Variants in ST8SIA3 observed in about 807,000 individuals in gnomAD.
The protein encoded by ST8SIA3 is alpha-N-acetylneuraminate alpha-2,8-sialyltransferase ST8SIA3.
A neutral mutation model predicts 34.5 loss-of-function variants in ST8SIA3; 17 were observed. The observed-to-expected ratio is 0.49, with a 90% confidence interval of 0.34 to 0.74. ST8SIA3 has a LOEUF of 0.74. Ranked by LOEUF, ST8SIA3 falls within the 30% of genes least tolerant of loss-of-function variation. ST8SIA3 has a pLI of 0.01. For synonymous variants in ST8SIA3, 172 were observed against 176.1 expected (o/e 0.98, Z 0.19); for missense variants, 354 against 467.8 (o/e 0.76, Z 2.24).
intron 3 of ST8SIA3, among the ~76,000 whole-genome samples, chr18:57,359,567 T>C (rs916232080): frequency 2.2e-4 from 31 of 143,554 alleles, no homozygotes; most frequent in African/African-American, 8.7e-4. Context: ...GAACACTTTA[T>C]GTAAGAAAAG....
At position 57,360,375 on chromosome 18, in the gene ST8SIA3, A is replaced by G; in HGVS notation, c.*98A>G. On this transcript the variant is annotated 3_prime_UTR_variant, in exon 4 of 4. Coordinates refer to ENST00000324000, the MANE Select transcript of ST8SIA3 (RefSeq NM_015879.3). ...GAACCCTAGAGAATGTCTTATAAGG[A>G]TTGTCTGCCATTTAAAAGGAAAGAT... 1.7e-6 allele frequency: 2 copies of G among 1,174,628 alleles called. No homozygotes were observed. The highest frequency in any genetic ancestry group is 2.4e-6 in the Non-Finnish European group (2 of 850,734). 72.8% of individuals were successfully genotyped at this position (1,174,628 alleles called of 1,614,324 possible).
intron 3 of ST8SIA3, 103 bp from the exon 4 acceptor site, chr18:57,359,892 A>T: frequency 2.0e-6 from 2 of 985,748 alleles, no homozygotes; most frequent in Non-Finnish European, 3.0e-6. Context: ...AGCACTATTT[A>T]AGTTACAGTA....
At chr18:57,354,223 CT>C (rs1388948241) in intron 1 of ST8SIA3, among the ~76,000 whole-genome samples, 178 bp from the exon 2 acceptor site, 1 of 152,162 alleles carries the variant, frequency 6.6e-6, no homozygotes, top group Non-Finnish European at 1.5e-5. Context: ...CCCTAGTTTT[CT>C]TTTTTTCTCT....
intron 3 of ST8SIA3, 103 bp from the exon 4 acceptor site, chr18:57,359,892 A>C: frequency 1.0e-6 from 1 of 985,752 alleles, no homozygotes; most frequent in Non-Finnish European, 1.5e-6. Context: ...AGCACTATTT[A>C]AGTTACAGTA....
At position 57,354,486 on chromosome 18, in the gene ST8SIA3, T is replaced by C. The variant is rs578110420; in HGVS notation, c.264T>C (p.Ser88=). The C allele has an allele frequency of 1.2e-6, 2 of 1,614,182 alleles. No individual in the cohort carries two copies. Among genetic ancestry groups the C allele is most frequent in the East Asian group, 2.2e-5 (1 of 44,878 alleles). ...CCCAGGAACTCCAAGAGAAACCTTCTAAGTGGAAATTTAATCGGACAGCGT... is the reference window on the plus strand; with the variant it reads ...CCCAGGAACTCCAAGAGAAACCTTCCAAGTGGAAATTTAATCGGACAGCGT... ...SLTQELQEKP[S]KWKFNRTAFL... is the part of the protein sequence containing the mutation. Residue 88 remains serine (S), a synonymous_variant, in exon 2 of 4, where the codon TCT becomes TCC. Coordinates refer to ENST00000324000, the MANE Select transcript of ST8SIA3 (RefSeq NM_015879.3).
intron 3 of ST8SIA3, among the ~76,000 whole-genome samples, chr18:57,357,775 T>G (rs2049807772): frequency 6.6e-6 from 1 of 152,182 alleles, no homozygotes; most frequent in Non-Finnish European, 1.5e-5. Flanking sequence ...TCACCACAAA[T>G]CAAGAATTTT....
In ST8SIA3 at chr18:57,354,639, C is replaced by A. The variant is rs1039151896; in HGVS notation, c.302+115C>A. The stretch of plus-strand genomic sequence containing the variant: ...TAAAACAACAAACATCTATACGCCC[C>A]ACCCTCACCATCAGGTGTATCTGCA... On this transcript the variant is annotated intron_variant, in intron 2 of 3. Coordinates refer to ENST00000324000, the MANE Select transcript of ST8SIA3 (RefSeq NM_015879.3). 5.7e-6 allele frequency: 7 copies of A among 1,219,644 alleles called. No homozygotes were observed. The Admixed American group carries it at 6.4e-5, about 11-fold the overall frequency. The allele number at this position is 1,219,644 out of a possible 1,614,324, so 75.6% of individuals were successfully genotyped here.
chr18:57,364,517 C>T lies in ST8SIA3; in HGVS notation c.*4240C>T, dbSNP rs543455670. ...TTCTAGATTCTTAAAACCTTTTTTC[C>T]CATAATTGTTTGAATGCACTAGGCA... On this transcript the variant is annotated 3_prime_UTR_variant, in exon 4 of 4. Transcript: ENST00000324000. 1 of 152,186 alleles carries T rather than the reference C, an allele frequency of 6.6e-6. No individual in the cohort carries two copies. Among genetic ancestry groups the T allele is most frequent in the South Asian group, 2.1e-4 (1 of 4,818 alleles). 9.4% of individuals were successfully genotyped at this position (152,186 alleles called of 1,614,324 possible).
chr18:57,353,933 CGGACGTG>C (rs2049782072), intron 1 of ST8SIA3, among the ~76,000 whole-genome samples: 2 of 152,216 alleles, frequency 1.3e-5, no homozygotes, highest in South Asian at 4.1e-4. Context: ...GAAGTGAAAT[CGGACGTG>C]GGTTTGGGAA....
In ST8SIA3 at chr18:57,360,353, C is replaced by A; in HGVS notation, c.*76C>A. On this transcript the variant is annotated 3_prime_UTR_variant, in exon 4 of 4. Coordinates refer to ENST00000324000, the MANE Select transcript of ST8SIA3 (RefSeq NM_015879.3). ...AAATTGAATAGCCTTCAGAATAGAA[C>A]CCTAGAGAATGTCTTATAAGGATTG... is the stretch of plus-strand genomic sequence containing the variant. 3 of 1,367,166 alleles carry A rather than the reference C, an allele frequency of 2.2e-6. No individual in the cohort carries two copies. Among genetic ancestry groups the A allele is most frequent in the South Asian group, 1.4e-5 (1 of 71,438 alleles). 84.7% of individuals were successfully genotyped at this position (1,367,166 alleles called of 1,614,324 possible).
In ST8SIA3 at chr18:57,363,507, A is replaced by G. The variant is rs1487757892; in HGVS notation, c.*3230A>G. 1.3e-5 allele frequency: 2 copies of G among 152,292 alleles called. No individual in the cohort carries two copies. The highest frequency in any genetic ancestry group is 4.8e-5 in the African/African-American group (2 of 41,452). 9.4% of individuals were successfully genotyped at this position (152,292 alleles called of 1,614,324 possible). A position where few individuals can be genotyped will look rare whatever the true frequency, so the allele number is the denominator to read the frequency against. On this transcript the variant is annotated 3_prime_UTR_variant, in exon 4 of 4. Coordinates refer to ENST00000324000, the MANE Select transcript of ST8SIA3 (RefSeq NM_015879.3). ...ACTGTGCCATCTGTCTGTGACCTTGATGTCAGGTACCTGGCCATGGGGCTA... is the reference window on the plus strand; with the variant it reads ...ACTGTGCCATCTGTCTGTGACCTTGGTGTCAGGTACCTGGCCATGGGGCTA...
rs980294747 is a variant in ST8SIA3, at chr18:57,366,923, C to T, written c.*6646C>T. ...GGCATTGAGCAATAGAGCAACTGTC[C>T]TTTCTCACCACTAGTTGTGAGTGTA... On this transcript the variant is annotated 3_prime_UTR_variant, in exon 4 of 4. Transcript: ENST00000324000. 2.6e-5 allele frequency: 4 copies of T among 152,224 alleles called. No individual in the cohort carries two copies. Among genetic ancestry groups the T allele is most frequent in the South Asian group, 2.1e-4 (1 of 4,834 alleles). 9.4% of individuals were successfully genotyped at this position (152,224 alleles called of 1,614,324 possible). A position where few individuals can be genotyped will look rare whatever the true frequency, so the allele number is the denominator to read the frequency against.
At chr18:57,356,154 A>C (rs1356121991) in intron 2 of ST8SIA3, among the ~76,000 whole-genome samples, 2 of 152,222 alleles carry the variant, frequency 1.3e-5, no homozygotes, top group Non-Finnish European at 2.9e-5. Flanking sequence ...ATATGAAAGC[A>C]ACGTGAAATT....
chr18:57,359,270 A>T (rs977235078), intron 3 of ST8SIA3, among the ~76,000 whole-genome samples: 18 of 152,176 alleles, frequency 1.2e-4, no homozygotes, highest in Admixed American at 3.3e-4. Context: ...ATATTATTTA[A>T]ATATGGAAGG....
Position 57,367,523 on chromosome 18 carries a change from T to C in ST8SIA3, c.*7246T>C, listed in dbSNP as rs2049867336. On this transcript the variant is annotated 3_prime_UTR_variant, in exon 4 of 4. Coordinates refer to ENST00000324000, the MANE Select transcript of ST8SIA3 (RefSeq NM_015879.3). ...TTGACAGGTAGGCCTTGTTTTATTA[T>C]GAACAAATTCACCAGAAAACCATTC... 2 of 152,610 alleles carry C rather than the reference T, an allele frequency of 1.3e-5. No homozygotes were observed. The highest frequency in any genetic ancestry group is 6.5e-5 in the Admixed American group (1 of 15,280). 9.5% of individuals were successfully genotyped at this position (152,610 alleles called of 1,614,324 possible).
In ST8SIA3 at chr18:57,367,553, G is replaced by T. The variant is rs1397050642; in HGVS notation, c.*7276G>T. On this transcript the variant is annotated 3_prime_UTR_variant, in exon 4 of 4. Coordinates refer to ENST00000324000, the MANE Select transcript of ST8SIA3 (RefSeq NM_015879.3). ...AAATTCACCAGAAAACCATTCTTGA[G>T]GAACCAGCCACTCCCATAGCATTTT... 1 of 152,476 alleles carries T rather than the reference G, an allele frequency of 6.6e-6. No homozygotes were observed. The highest frequency in any genetic ancestry group is 6.5e-5 in the Admixed American group (1 of 15,270). 9.4% of individuals were successfully genotyped at this position (152,476 alleles called of 1,614,324 possible).
At chr18:57,359,608 G>T (rs2144205618) in intron 3 of ST8SIA3, among the ~76,000 whole-genome samples, 1 of 152,200 alleles carries the variant, frequency 6.6e-6, no homozygotes. Flanking sequence ...GCCTTCTGTT[G>T]TGTCACCGCT....
intron 1 of ST8SIA3, among the ~76,000 whole-genome samples, chr18:57,353,423 G>GCGGGC (rs1461871804): frequency 6.6e-6 from 1 of 152,044 alleles, no homozygotes; most frequent in Non-Finnish European, 1.5e-5. Flanking sequence ...CGCAGACTCC[G>GCGGGC]CGGGCCGGGC....
At chr18:57,357,504 C>A (rs2144203064) in intron 3 of ST8SIA3, 34 bp downstream of exon 3, 1 of 1,505,818 alleles carries the variant, frequency 6.6e-7, no homozygotes, top group East Asian at 2.3e-5. Context: ...ACTCATACTC[C>A]ACCAGATGGC....
Sources: allele counts gnomAD v4.1 joint callset (sites outside exome capture counted in the v4.1 genomes callset), GRCh38; gene constraint gnomAD v4.1.1; transcripts MANE v1.5; gene names NCBI Gene and HGNC (gene_info 2026-07-23, HGNC 2026-07-21).